MYH13: variants seen among roughly 807,000 people sequenced by gnomAD.
MYH13 encodes myosin-13.
In MYH13, 177 loss-of-function variants were observed where a neutral mutation model predicts 232.1. The observed-to-expected ratio is 0.76, with a 90% CI of 0.67 to 0.86. MYH13 has a LOEUF of 0.86. Ranked by LOEUF, MYH13 falls within the 40% of genes least tolerant of loss-of-function variation. MYH13 has a pLI of 0.00. For synonymous variants in MYH13, 884 were observed against 923.5 expected (o/e 0.96, Z 0.78); for missense variants, 2,246 against 2,405.9 (o/e 0.93, Z 1.39).
chr17:10,335,626 T>G (rs1216118939), intron 18 of MYH13, among the ~76,000 whole-genome samples: 1 of 151,892 alleles, frequency 6.6e-6, no homozygotes, highest in East Asian at 1.9e-4. Context: ...TGGTGGTGCG[T>G]CCCTGTAAAT....
In MYH13 at chr17:10,362,150, A is replaced by G. The variant is rs2071798606; in HGVS notation, c.473T>C (p.Ile158Thr). The change falls in exon 5 of 41, where the codon ATC becomes ACC. Residue 158 changes from isoleucine to threonine, a missense_variant. Physicochemically the swap from Ile to Thr is moderately conservative, Grantham distance 89 (BLOSUM62 -1). Coordinates refer to ENST00000252172, the MANE Select transcript of MYH13 (RefSeq NM_003802.3). ...RQEAPPHIFS[I>T]SDNAYQFMLT... ...CATGAACTGATAGGCATTGTCAGAG[A>G]TGGAGAAGATGTGGGGCGGGGCCTC... 1 of 1,613,818 alleles carries G rather than the reference A, an allele frequency of 6.2e-7. No individual in the cohort carries two copies. Among genetic ancestry groups the G allele is most frequent in the Admixed American group, 1.7e-5 (1 of 59,996 alleles).
chr17:10,333,049 G>T, intron 19 of MYH13, 25 bp downstream of exon 19: 1 of 1,490,072 alleles, frequency 6.7e-7, no homozygotes, highest in Non-Finnish European at 9.2e-7. Context: ...GAAGGAGAGA[G>T]ATGCACAGGA....
At chr17:10,366,893 G>A (rs1233890704) in intron 2 of MYH13, among the ~76,000 whole-genome samples, 1 of 152,186 alleles carries the variant, frequency 6.6e-6, no homozygotes, top group African/African-American at 2.4e-5. Context: ...GCCTTATTCA[G>A]ATAAGTTGCA....
rs763659496 is a variant in MYH13, at chr17:10,350,565, C to T, written c.1135G>A (p.Gly379Ser). 1.2e-6 allele frequency: 2 copies of T among 1,612,516 alleles called. No homozygotes were observed. The highest frequency in any genetic ancestry group is 2.2e-5 in the South Asian group (2 of 90,972). The change falls in exon 12 of 41, where the codon GGC (glycine) becomes AGC (serine). Residue 379 changes from glycine to serine, a missense_variant. Transcript: ENST00000252172. ...TCCCAGATGCAGTTACCTTCGGTGC[C>T]GTCTGGCTCCGCCTGCTCCTCACGC... ...KQREEQAEPD[G>S]TEVADKAGYL... is the part of the protein sequence containing the mutation.
chr17:10,365,673 AG>A (rs2071828244), intron 2 of MYH13, among the ~76,000 whole-genome samples: 1 of 152,242 alleles, frequency 6.6e-6, no homozygotes, highest in South Asian at 2.1e-4. Flanking sequence ...TAATGGGATC[AG>A]CACCTGCTTT....
Position 10,327,865 on chromosome 17 carries a change from C to G in MYH13, c.2691+1G>C, listed in dbSNP as rs1907268189. Reference sequence around the variant, plus strand: ...TGCGTTCTCAAGTAGAAGGTACTTACAGACTGGACCTGCAATTGGAGGTCA... The same window carrying G: ...TGCGTTCTCAAGTAGAAGGTACTTAGAGACTGGACCTGCAATTGGAGGTCA... On this transcript the variant is annotated splice_donor_variant, in intron 22 of 40. Transcript: ENST00000252172. LOFTEE classifies it high-confidence loss of function. The G allele has an allele frequency of 6.2e-7, 1 of 1,610,852 alleles. No homozygotes were observed. The highest frequency in any genetic ancestry group is 1.3e-5 in the African/African-American group (1 of 74,656).
intron 3 of MYH13, among the ~76,000 whole-genome samples, chr17:10,363,588 G>T (rs1368808171): frequency 6.6e-6 from 1 of 152,100 alleles, no homozygotes; most frequent in Non-Finnish European, 1.5e-5. Flanking sequence ...TAAGGACTGG[G>T]ACTTGTTTCT....
At chr17:10,323,982 G>A (rs755632341) in intron 23 of MYH13, 40 bp downstream of exon 23, 17 of 1,606,130 alleles carry the variant, frequency 1.1e-5, no homozygotes, top group Non-Finnish European at 1.4e-5. Context: ...AGAGAGTGAA[G>A]CCTGTTAAGA....
At position 10,323,281 on chromosome 17, in the gene MYH13, G is replaced by A. The variant is rs78023668; in HGVS notation, c.2934+741C>T. Among the ~76,000 whole-genome samples, 773 of 152,216 alleles carry A rather than the reference G, an allele frequency of 5.1e-3. 20 individuals are homozygous for A. The East Asian group carries it at 0.06, about 12-fold the overall frequency. ...AGGCTGCATCAGTCTCTGTCCTGCCGGTACCCGCTCCTCTCAGTCAATCCT... is the reference window on the plus strand; with the variant it reads ...AGGCTGCATCAGTCTCTGTCCTGCCAGTACCCGCTCCTCTCAGTCAATCCT... On this transcript the variant is annotated intron_variant, in intron 23 of 40. Coordinates refer to ENST00000252172, the MANE Select transcript of MYH13 (RefSeq NM_003802.3).
At chr17:10,333,263 G>T in intron 18 of MYH13, 72 bp from the exon 19 acceptor site, 1 of 1,074,146 alleles carries the variant, frequency 9.3e-7, no homozygotes, top group Non-Finnish European at 1.4e-6. Flanking sequence ...GGCACCATGA[G>T]ACCCTCCAAC....
rs1284837273 is a variant in MYH13, at chr17:10,318,812, A to T, written c.3716T>A (p.Ile1239Asn). The change falls in exon 27 of 41, where the codon ATC becomes AAC. Residue 1239 changes from isoleucine to asparagine, a missense_variant. Coordinates refer to ENST00000252172, the MANE Select transcript of MYH13 (RefSeq NM_003802.3). ...KMEIDDMASNIEALSKSKSNI... is the reference protein window; with the variant it reads ...KMEIDDMASNNEALSKSKSNI... ...TACCTTTGACTTGGAGAGAGCCTCG[A>T]TGTTGCTGGCCATGTCGTCAATCTC... The T allele has an allele frequency of 1.2e-6, 2 of 1,613,892 alleles. No homozygotes were observed. The highest frequency in any genetic ancestry group is 2.7e-5 in the African/African-American group (2 of 74,890).
intron 18 of MYH13, among the ~76,000 whole-genome samples, chr17:10,338,925 TCTC>T (rs2071598705): frequency 6.6e-6 from 1 of 152,062 alleles, no homozygotes; most frequent in South Asian, 2.1e-4. Flanking sequence ...ATGGTCTCGA[TCTC>T]CTGACCTCGT....
At chr17:10,350,950 G>C (rs1223960835) in intron 11 of MYH13, 1 of 466,280 alleles carries the variant, frequency 2.1e-6, no homozygotes, top group South Asian at 1.8e-5. Flanking sequence ...AGTCGGGCGC[G>C]GTGGCTCACG....
At chr17:10,308,796 A>C (rs1342653900) in intron 35 of MYH13, among the ~76,000 whole-genome samples, 1 of 152,058 alleles carries the variant, frequency 6.6e-6, no homozygotes. Context: ...ATCATAGTTC[A>C]TTGCAGCTTC....
chr17:10,312,742 C>G lies in MYH13; in HGVS notation c.4197G>C (p.Gln1399His). ...TGTTCTCCTCTGCTTCCTGGAGCCT[C>G]TGGGCCAGTTTTTTCCTACGAAAAC... is the stretch of plus-strand genomic sequence containing the variant. ...ELEEAKKKLA[Q>H]RLQEAEENTE... The change falls in exon 31 of 41, where the codon CAG becomes CAC. Residue 1399 changes from glutamine (Q) to histidine (H), a missense_variant. Physicochemically the swap from Gln to His is conservative, Grantham distance 24. Coordinates refer to ENST00000252172, the MANE Select transcript of MYH13 (RefSeq NM_003802.3). The G allele has an allele frequency of 6.2e-7, 1 of 1,608,542 alleles. No individual in the cohort carries two copies. Among genetic ancestry groups the G allele is most frequent in the Non-Finnish European group, 8.5e-7 (1 of 1,178,454 alleles).
Position 10,344,145 on chromosome 17 carries a change from G to A in MYH13, c.1585-36C>T, listed in dbSNP as rs777583862. ...GATAACAGAGTCTACATATAATAGT[G>A]CATACCCATGCTTCATGGTCTGGAG... On this transcript the variant is annotated intron_variant, in intron 15 of 40. Coordinates refer to ENST00000252172, the MANE Select transcript of MYH13 (RefSeq NM_003802.3). 6.3e-6 allele frequency: 10 copies of A among 1,598,934 alleles called. No homozygotes were observed. In the East Asian group the frequency reaches 2.2e-4, roughly 36 times the overall value.
Position 10,326,981 on chromosome 17 carries a change from GTTT to G in MYH13, c.2691+882_2691+884del, listed in dbSNP as rs61543278. 1.9e-3 allele frequency among the ~76,000 whole-genome samples: 104 copies of G among 55,832 alleles called. 36 individuals are homozygous for G. Among genetic ancestry groups the G allele is most frequent in the East Asian group, 4.4e-3 (7 of 1,608 alleles). The allele number at this position is 55,832 out of a possible 152,430, so 36.6% of individuals were successfully genotyped here. ...GAGACATGCACCACCATGCCTACTA[GTTT>G]TTTTTTTTTTTTTTTTTTTTTTTTT... On this transcript the variant is annotated intron_variant, in intron 22 of 40. Coordinates refer to ENST00000252172, the MANE Select transcript of MYH13 (RefSeq NM_003802.3).
intron 40 of MYH13, among the ~76,000 whole-genome samples, chr17:10,301,319 C>T (rs1906080524): frequency 6.6e-6 from 1 of 152,278 alleles, no homozygotes; most frequent in African/African-American, 2.4e-5. Flanking sequence ...GATCAACAGT[C>T]ATCTTCCAAG....
At chr17:10,343,500 A>G (rs901265252) in intron 16 of MYH13, among the ~76,000 whole-genome samples, 8 of 152,200 alleles carry the variant, frequency 5.3e-5, no homozygotes, top group Non-Finnish European at 7.3e-5. Context: ...ATGCCTGGCC[A>G]AAACCACTAA....
Sources: allele counts gnomAD v4.1 joint callset (sites outside exome capture counted in the v4.1 genomes callset), GRCh38; gene constraint gnomAD v4.1.1; transcripts MANE v1.5; gene names NCBI Gene and HGNC (gene_info 2026-07-23, HGNC 2026-07-21).